Variants in PALLD observed in about 807,000 individuals in gnomAD.
The protein encoded by PALLD is palladin, cytoskeletal associated protein, also known as palladin.
In PALLD, 61 loss-of-function variants were observed where a neutral mutation model predicts 123.5. The ratio of observed to expected loss-of-function variants is 0.49; its 90% CI spans 0.40 to 0.61. PALLD has a LOEUF of 0.61. PALLD is among the 20% of genes least tolerant of loss of function. The pLI is 0.00. For synonymous variants in PALLD, 465 were observed against 496.4 expected, an observed-to-expected ratio of 0.94 and a Z score of 0.84; for missense variants, 1,273 against 1,377.0, an observed-to-expected ratio of 0.92 and a Z score of 1.20.
chr4:168,741,046 A>C (rs1396602684), intron 10 of PALLD, among the ~76,000 whole-genome samples: 1 of 152,234 alleles, frequency 6.6e-6, no homozygotes, highest in Non-Finnish European at 1.5e-5. Flanking sequence ...TGTTAAGTGT[A>C]ATACGGGCTT....
chr4:168,585,056 GAAGA>G (rs1043916095), intron 2 of PALLD, among the ~76,000 whole-genome samples: 7 of 152,100 alleles, frequency 4.6e-5, no homozygotes, highest in African/African-American at 1.7e-4. Flanking sequence ...TAACTGACAA[GAAGA>G]TAGATATGTT....
chr4:168,691,859 A>G (rs1289330181), intron 8 of PALLD, among the ~76,000 whole-genome samples: 3 of 152,146 alleles, frequency 2.0e-5, no homozygotes, highest in East Asian at 1.9e-4. Flanking sequence ...TCACAGTGCT[A>G]TGTGATCCAG....
intron 10 of PALLD, among the ~76,000 whole-genome samples, chr4:168,883,157 T>C (rs1752861874): frequency 6.6e-6 from 1 of 151,842 alleles, no homozygotes; most frequent in Non-Finnish European, 1.5e-5. Context: ...AAATATAATA[T>C]GAGGAGAATT....
At chr4:168,790,548 G>A (rs1737369322) in intron 10 of PALLD, among the ~76,000 whole-genome samples, 1 of 151,800 alleles carries the variant, frequency 6.6e-6, no homozygotes, top group Non-Finnish European at 1.5e-5. Flanking sequence ...ATTTTTCCCT[G>A]CAGTTCATTG....
At chr4:168,777,595 C>T (rs1280803335) in intron 10 of PALLD, among the ~76,000 whole-genome samples, 1 of 152,182 alleles carries the variant, frequency 6.6e-6, no homozygotes, top group Non-Finnish European at 1.5e-5. Context: ...GGCCACAATA[C>T]CCAACTAACA....
intron 2 of PALLD, among the ~76,000 whole-genome samples, chr4:168,548,430 G>A (rs933984457): frequency 6.6e-6 from 1 of 151,658 alleles, no homozygotes; most frequent in South Asian, 2.1e-4. Context: ...GTTTTCTGGT[G>A]TACACAAAGA....
chr4:168,751,612 A>C (rs756725987), intron 10 of PALLD, among the ~76,000 whole-genome samples: 26 of 152,202 alleles, frequency 1.7e-4, no homozygotes, highest in Non-Finnish European at 3.2e-4. Context: ...CTTAATATCA[A>C]CTTGGAAGTA....
At chr4:168,748,759 G>A (rs1469763022) in intron 10 of PALLD, among the ~76,000 whole-genome samples, 1 of 152,054 alleles carries the variant, frequency 6.6e-6, no homozygotes, top group Non-Finnish European at 1.5e-5. Flanking sequence ...GTCTCTTATT[G>A]GCCATTTAAT....
intron 10 of PALLD, among the ~76,000 whole-genome samples, chr4:168,888,726 C>T (rs1753718331): frequency 6.6e-6 from 1 of 152,082 alleles, no homozygotes; most frequent in Admixed American, 6.6e-5. Context: ...GGGATTGAGA[C>T]CATTTAAATT....
intron 10 of PALLD, among the ~76,000 whole-genome samples, chr4:168,766,769 G>T (rs138079880): frequency 6.6e-6 from 1 of 152,198 alleles, no homozygotes; most frequent in African/African-American, 2.4e-5. Context: ...TGTTGGATAT[G>T]ATCTCAGTCA....
intron 10 of PALLD, among the ~76,000 whole-genome samples, chr4:168,882,909 G>C (rs1752807419): frequency 6.6e-6 from 1 of 152,044 alleles, no homozygotes; most frequent in African/African-American, 2.4e-5. Flanking sequence ...GGCCAACATG[G>C]TGAAACACCA....
At chr4:168,867,289 T>C (rs1750428753) in intron 10 of PALLD, among the ~76,000 whole-genome samples, 1 of 152,178 alleles carries the variant, frequency 6.6e-6, no homozygotes, top group Non-Finnish European at 1.5e-5. Context: ...GGTGACGCTG[T>C]TGGTGCTGGC....
At chr4:168,722,255 A>G (rs1786098278) in intron 10 of PALLD, among the ~76,000 whole-genome samples, 3 of 152,080 alleles carry the variant, frequency 2.0e-5, no homozygotes. Flanking sequence ...ATTGTTGCCC[A>G]GCCAGGTCTC....
chr4:168,863,673 G>A (rs1749836640), intron 10 of PALLD: 1 of 152,170 alleles, frequency 6.6e-6, no homozygotes, highest in South Asian at 2.1e-4. Flanking sequence ...TATATCTTGA[G>A]TGACTTTATT....
At chr4:168,522,281 C>T (rs1328265106) in intron 2 of PALLD, among the ~76,000 whole-genome samples, 2 of 152,156 alleles carry the variant, frequency 1.3e-5, no homozygotes, top group African/African-American at 4.8e-5. Flanking sequence ...CAAATGCAGG[C>T]TTTTCCTCAG....
intron 10 of PALLD, among the ~76,000 whole-genome samples, chr4:168,874,933 A>T (rs1012812570): frequency 5.3e-5 from 8 of 152,170 alleles, no homozygotes; most frequent in Non-Finnish European, 1.2e-4. Context: ...AGAGCGGGGA[A>T]AAAAGAAGCT....
chr4:168,780,833 A>G (rs28646272), intron 10 of PALLD, among the ~76,000 whole-genome samples: 80,031 of 151,724 alleles, frequency 0.53, 22,111 homozygotes, highest in Non-Finnish European at 0.63. Flanking sequence ...GACTGCAGGC[A>G]CCTGCCACCA....
At chr4:168,839,042 T>C (rs553288841) in intron 10 of PALLD, among the ~76,000 whole-genome samples, 1 of 152,242 alleles carries the variant, frequency 6.6e-6, no homozygotes, top group Admixed American at 6.5e-5. Context: ...AGCCCTGACA[T>C]CCTGGGCTCA....
chr4:168,544,366 T>C (rs1765938339), intron 2 of PALLD, among the ~76,000 whole-genome samples: 1 of 152,244 alleles, frequency 6.6e-6, no homozygotes, highest in Non-Finnish European at 1.5e-5. Flanking sequence ...TGTCTTGCCT[T>C]GAGTAGTATA....
Sources: allele counts gnomAD v4.1 joint callset (sites outside exome capture counted in the v4.1 genomes callset), GRCh38; gene constraint gnomAD v4.1.1; transcripts MANE v1.5; gene names NCBI Gene and HGNC (gene_info 2026-07-23, HGNC 2026-07-21).